Variants in EPHA6 observed in about 807,000 individuals in gnomAD.
EPHA6 encodes the protein EPH receptor A6.
EPHA6 carries 50 observed loss-of-function variants against 112.0 expected under a neutral mutation model. The observed-to-expected ratio is 0.45, with a 90% CI of 0.36 to 0.56. EPHA6 has a LOEUF of 0.56. Ranked by LOEUF, EPHA6 falls within the 20% of genes least tolerant of loss-of-function variation. The probability of loss-of-function intolerance (pLI) is 0.00; values close to 1 mark genes in which losing one functional copy is unlikely to be tolerated. For synonymous variants in EPHA6, 529 were observed against 490.7 expected, an observed-to-expected ratio of 1.08 and a Z score of -1.03; for missense variants, 1,280 against 1,417.4, an observed-to-expected ratio of 0.90 and a Z score of 1.56.
chr3:97,034,251 A>G (rs1447113429), intron 3 of EPHA6, among the ~76,000 whole-genome samples: 1 of 151,914 alleles, frequency 6.6e-6, no homozygotes, highest in Non-Finnish European at 1.5e-5. Flanking sequence ...GTTTCTATGA[A>G]AAACAGTTTG....
chr3:96,852,628 G>A (rs2035463172), intron 1 of EPHA6, among the ~76,000 whole-genome samples: 1 of 150,154 alleles, frequency 6.7e-6, no homozygotes, highest in African/African-American at 2.4e-5. Flanking sequence ...AAAACTTCCT[G>A]GTGTAAAAAT....
At chr3:97,262,498 C>G (rs2079537414) in intron 5 of EPHA6, among the ~76,000 whole-genome samples, 1 of 152,138 alleles carries the variant, frequency 6.6e-6, no homozygotes, top group African/African-American at 2.4e-5. Context: ...TAAACCTCTA[C>G]ACATGCATGT....
At chr3:96,948,526 G>GA (rs958083305) in intron 2 of EPHA6, among the ~76,000 whole-genome samples, 3 of 151,354 alleles carry the variant, frequency 2.0e-5, no homozygotes, top group Admixed American at 6.6e-5. Flanking sequence ...CAGCTTTATG[G>GA]AAAAAAAATG....
intron 2 of EPHA6, among the ~76,000 whole-genome samples, chr3:96,913,703 T>G (rs1005209042): frequency 2.0e-5 from 3 of 152,168 alleles, no homozygotes; most frequent in African/African-American, 7.2e-5. Context: ...GTGTCTTTTA[T>G]GTACTAGTAC....
At chr3:97,634,032 A>T (rs1220363845) in intron 13 of EPHA6, among the ~76,000 whole-genome samples, 1 of 152,068 alleles carries the variant, frequency 6.6e-6, no homozygotes, top group South Asian at 2.1e-4. Context: ...ATGCTACCCA[A>T]CCTAGCCCAG....
intron 7 of EPHA6, among the ~76,000 whole-genome samples, chr3:97,473,176 A>G (rs1465048195): frequency 6.6e-6 from 1 of 151,790 alleles, no homozygotes; most frequent in Non-Finnish European, 1.5e-5. Flanking sequence ...TACTCTTATT[A>G]GGAAATAAGA....
At chr3:97,293,744 C>T (rs2080778360) in intron 5 of EPHA6, among the ~76,000 whole-genome samples, 1 of 152,198 alleles carries the variant, frequency 6.6e-6, no homozygotes, top group Admixed American at 6.5e-5. Flanking sequence ...ATTCCTGGCT[C>T]ACAGGAGGGG....
intron 13 of EPHA6, among the ~76,000 whole-genome samples, chr3:97,616,448 A>T (rs1356323874): frequency 2.0e-5 from 3 of 152,192 alleles, no homozygotes; most frequent in Non-Finnish European, 4.4e-5. Flanking sequence ...AGACGACAGA[A>T]GTAGGCTTCC....
intron 5 of EPHA6, among the ~76,000 whole-genome samples, chr3:97,304,248 C>T (rs114050304): frequency 0.014 from 2,098 of 151,934 alleles, 46 homozygotes; most frequent in African/African-American, 0.047. Flanking sequence ...TTTATCTTGC[C>T]TGATTGCTGT....
At chr3:97,274,781 G>A (rs1371099973) in intron 5 of EPHA6, among the ~76,000 whole-genome samples, 1 of 152,128 alleles carries the variant, frequency 6.6e-6, no homozygotes, top group Non-Finnish European at 1.5e-5. Flanking sequence ...ATAGGGAAAT[G>A]GGGTGAATAT....
At chr3:97,387,843 T>G (rs1021378667) in intron 5 of EPHA6, among the ~76,000 whole-genome samples, 3 of 152,214 alleles carry the variant, frequency 2.0e-5, no homozygotes, top group Admixed American at 6.5e-5. Flanking sequence ...AGAGGTTTAA[T>G]CAGCTTACAG....
intron 3 of EPHA6, among the ~76,000 whole-genome samples, chr3:97,106,619 A>C (rs1430709907): frequency 6.6e-6 from 1 of 152,114 alleles, no homozygotes; most frequent in African/African-American, 2.4e-5. Context: ...CCGGTACACC[A>C]AGGTGAGAAA....
chr3:97,100,503 A>C, intron 3 of EPHA6, among the ~76,000 whole-genome samples: 1 of 151,860 alleles, frequency 6.6e-6, no homozygotes, highest in Non-Finnish European at 1.5e-5. Context: ...ATTAAACAAA[A>C]TCAGAGAGGC....
intron 15 of EPHA6, among the ~76,000 whole-genome samples, chr3:97,728,937 C>T (rs1299691840): frequency 1.3e-5 from 2 of 152,030 alleles, no homozygotes; most frequent in African/African-American, 4.8e-5. Context: ...TTTAACAATC[C>T]GTAAAAAGGA....
At chr3:97,046,783 C>T (rs1047543671) in intron 3 of EPHA6, among the ~76,000 whole-genome samples, 10 of 151,790 alleles carry the variant, frequency 6.6e-5, no homozygotes, top group Non-Finnish European at 1.2e-4. Flanking sequence ...GCATAGGGGC[C>T]TAGGAAAAAT....
chr3:97,648,415 A>G, intron 14 of EPHA6: 2 of 1,505,534 alleles, frequency 1.3e-6, no homozygotes, highest in African/African-American at 1.4e-5. Context: ...ATAATGAAGC[A>G]GCATGAGGGG....
chr3:97,657,191 T>C (rs1006110128), intron 14 of EPHA6, among the ~76,000 whole-genome samples: 2 of 152,002 alleles, frequency 1.3e-5, no homozygotes, highest in South Asian at 2.1e-4. Flanking sequence ...TTTAAATTTG[T>C]GTTTATAGCA....
Position 97,636,333 on chromosome 3 carries a change from AGG to A in EPHA6, c.2575-1539_2575-1538del, listed in dbSNP as rs573673430. 4.0e-3 allele frequency among the ~76,000 whole-genome samples: 605 copies of A among 152,278 alleles called. 3 individuals carry two copies. Among genetic ancestry groups the A allele is most frequent in the African/African-American group, 0.013 (541 of 41,572 alleles). ...TCAAGATTCCTAATAGAAGAGTGGT[AGG>A]TAGTGTACATGATAGAAGAGGCAGA... is the stretch of plus-strand genomic sequence containing the variant. On this transcript the variant is annotated intron_variant, in intron 13 of 17. Coordinates refer to ENST00000389672, the MANE Select transcript of EPHA6 (RefSeq NM_001080448.3).
chr3:97,703,778 G>A (rs2033528170), intron 14 of EPHA6, among the ~76,000 whole-genome samples: 1 of 152,100 alleles, frequency 6.6e-6, no homozygotes, highest in Non-Finnish European at 1.5e-5. Flanking sequence ...ATTTAACATT[G>A]AGCACATGTG....
Sources: allele counts gnomAD v4.1 joint callset (sites outside exome capture counted in the v4.1 genomes callset), GRCh38; gene constraint gnomAD v4.1.1; transcripts MANE v1.5; gene names NCBI Gene and HGNC (gene_info 2026-07-23, HGNC 2026-07-21).